The following DOCK3 variants were observed in gnomAD, a reference collection of about 807,000 sequenced individuals.
DOCK3 encodes dedicator of cytokinesis 3, also known as dedicator of cytokinesis protein 3.
DOCK3 carries 60 observed loss-of-function variants against 265.6 expected under a neutral mutation model. That is an observed-to-expected ratio of 0.23 (90% CI 0.18 to 0.28). DOCK3 has a LOEUF of 0.28. DOCK3 is among the 10% of genes least tolerant of loss of function. The probability of loss-of-function intolerance (pLI) is 1.00; values close to 1 mark genes in which losing one functional copy is unlikely to be tolerated. For synonymous variants in DOCK3, 881 were observed against 938.0 expected, an observed-to-expected ratio of 0.94 and a Z score of 1.11; for missense variants, 1,981 against 2,594.3, an observed-to-expected ratio of 0.76 and a Z score of 5.14.
chr3:50,823,432 A>G (rs2044569897), intron 2 of DOCK3, among the ~76,000 whole-genome samples: 1 of 152,218 alleles, frequency 6.6e-6, no homozygotes, highest in South Asian at 2.1e-4. Context: ...CCCTTAATCC[A>G]TTCAACCCTG....
chr3:50,852,130 A>G (rs1044658158), intron 3 of DOCK3, among the ~76,000 whole-genome samples: 13 of 152,162 alleles, frequency 8.5e-5, no homozygotes, highest in African/African-American at 1.9e-4. Context: ...ACTCACTTTT[A>G]TCAGCTGGAC....
At chr3:50,886,811 C>T (rs894695176) in intron 3 of DOCK3, among the ~76,000 whole-genome samples, 1 of 151,862 alleles carries the variant, frequency 6.6e-6, no homozygotes, top group Non-Finnish European at 1.5e-5. Flanking sequence ...TTCTTTGAAA[C>T]CAGAGAGAAC....
chr3:50,934,538 T>C (rs944544603), intron 5 of DOCK3, among the ~76,000 whole-genome samples: 9 of 152,142 alleles, frequency 5.9e-5, no homozygotes, highest in African/African-American at 2.2e-4. Flanking sequence ...ATAGAAAATC[T>C]AATAAAAGCC....
At chr3:51,089,395 G>C in intron 8 of DOCK3, 111 bp downstream of exon 8, 2 of 1,331,856 alleles carry the variant, frequency 1.5e-6, no homozygotes, top group Non-Finnish European at 2.1e-6. Context: ...TCTTGACTGT[G>C]TGGTGTCTTT....
At chr3:50,763,703 AT>A (rs1456151532) in intron 1 of DOCK3, among the ~76,000 whole-genome samples, 1 of 152,006 alleles carries the variant, frequency 6.6e-6, no homozygotes, top group Non-Finnish European at 1.5e-5. Context: ...AATATTTTTT[AT>A]TTTTTTAACG....
chr3:51,006,974 T>C (rs1481739089), intron 5 of DOCK3, among the ~76,000 whole-genome samples: 2 of 152,216 alleles, frequency 1.3e-5, no homozygotes, highest in Admixed American at 6.5e-5. Context: ...TATGGCTGTG[T>C]AGTATTCCAT....
intron 1 of DOCK3, among the ~76,000 whole-genome samples, chr3:50,679,122 T>TA (rs2034204107): frequency 6.6e-6 from 1 of 152,176 alleles, no homozygotes; most frequent in Non-Finnish European, 1.5e-5. Context: ...CTTGCCTGGC[T>TA]AATTTTTAAA....
chr3:51,137,804 GAATT>G (rs1235302917), intron 9 of DOCK3, among the ~76,000 whole-genome samples: 1 of 152,156 alleles, frequency 6.6e-6, no homozygotes, highest in Non-Finnish European at 1.5e-5. Context: ...TGAAGAGTAA[GAATT>G]AACCATCTCT....
At chr3:50,979,526 G>A (rs2077613608) in intron 5 of DOCK3, among the ~76,000 whole-genome samples, 1 of 152,156 alleles carries the variant, frequency 6.6e-6, no homozygotes, top group East Asian at 1.9e-4. Context: ...CTGCTCTCTT[G>A]CGCCATCTCT....
chr3:50,723,221 T>C (rs2037587512), intron 1 of DOCK3, among the ~76,000 whole-genome samples: 1 of 152,154 alleles, frequency 6.6e-6, no homozygotes, highest in Admixed American at 6.5e-5. Context: ...CACAGGTCCA[T>C]AGAGATTACC....
At chr3:50,992,373 C>G (rs2078138399) in intron 5 of DOCK3, among the ~76,000 whole-genome samples, 1 of 152,168 alleles carries the variant, frequency 6.6e-6, no homozygotes, top group Admixed American at 6.5e-5. Flanking sequence ...TCTCAGCTCA[C>G]TGCAACCTCC....
chr3:50,819,182 A>G (rs958156309), intron 2 of DOCK3, among the ~76,000 whole-genome samples: 3 of 152,112 alleles, frequency 2.0e-5, no homozygotes, highest in Non-Finnish European at 4.4e-5. Flanking sequence ...TGGCACCTGC[A>G]TGTACTTCTG....
At chr3:51,218,409 G>A (rs190812146) in intron 14 of DOCK3, among the ~76,000 whole-genome samples, 1 of 152,308 alleles carries the variant, frequency 6.6e-6, no homozygotes, top group Non-Finnish European at 1.5e-5. Flanking sequence ...ACTCCAGCCT[G>A]TGTGACAGAG....
chr3:50,992,580 A>G (rs111618839), intron 5 of DOCK3, among the ~76,000 whole-genome samples: 1 of 152,352 alleles, frequency 6.6e-6, no homozygotes, highest in African/African-American at 2.4e-5. Context: ...CACAGGCATG[A>G]GCCAACTCGC....
intron 1 of DOCK3, among the ~76,000 whole-genome samples, chr3:50,740,117 A>G (rs942823199): frequency 7.2e-5 from 11 of 152,096 alleles, no homozygotes; most frequent in African/African-American, 2.4e-4. Flanking sequence ...GTCATACTGT[A>G]TGTACTCTTT....
chr3:50,838,775 T>G (rs1306792473), intron 2 of DOCK3, among the ~76,000 whole-genome samples: 1 of 152,266 alleles, frequency 6.6e-6, no homozygotes, highest in African/African-American at 2.4e-5. Context: ...TTTGAGAGCT[T>G]ATGAACTTTT....
chr3:51,333,520 G>C (rs1299040898), intron 35 of DOCK3, among the ~76,000 whole-genome samples: 1 of 152,118 alleles, frequency 6.6e-6, no homozygotes, highest in African/African-American at 2.4e-5. Context: ...GTAGTCATCT[G>C]GCCTTCCATC....
intron 3 of DOCK3, among the ~76,000 whole-genome samples, chr3:50,849,912 C>G (rs559099252): frequency 1.3e-5 from 2 of 151,576 alleles, no homozygotes; most frequent in Non-Finnish European, 2.9e-5. Flanking sequence ...AGCGAAACCT[C>G]GTCTTTAAAA....
chr3:51,070,015 T>C lies in DOCK3; in HGVS notation c.465-5341T>C, dbSNP rs1423296582. The stretch of plus-strand genomic sequence containing the variant: ...GTCTTGCCCTGTTCACAGTCTGGGA[T>C]GTCTTGGCTATGTTTAAAGTATGTA... On this transcript the variant is annotated intron_variant, in intron 6 of 52. Transcript: ENST00000266037. Among the ~76,000 whole-genome samples the C allele has an allele frequency of 2.0e-5, 3 of 152,238 alleles. No individual in the cohort carries two copies. In the East Asian group the frequency reaches 5.8e-4, roughly 29 times the overall value.
Sources: gnomAD v4.1 joint callset for allele counts (sites outside exome capture counted in the v4.1 genomes callset) on GRCh38, gnomAD v4.1.1 for gene constraint, MANE v1.5 for transcripts, NCBI Gene and HGNC (gene_info 2026-07-23, HGNC 2026-07-21) for gene names.